The following PTK2 variants were observed in gnomAD, a reference collection of about 807,000 sequenced individuals.
The protein encoded by PTK2 is focal adhesion kinase 1.
In PTK2, 45 loss-of-function variants were observed where a neutral mutation model predicts 150.1. That is an observed-to-expected ratio of 0.30 (90% confidence interval 0.24 to 0.38). The LOEUF is 0.38. PTK2 is among the 10% of genes least tolerant of loss of function. The pLI, the probability that PTK2 is intolerant of heterozygous loss-of-function variation, is 1.00. For missense variants in PTK2, 919 were observed against 1,307.3 expected (o/e 0.70, Z 4.58); for synonymous variants, 432 against 449.2 (o/e 0.96, Z 0.48).
At chr8:140,735,220 C>T in intron 22 of PTK2, 31 bp downstream of exon 25, 1 of 1,596,764 alleles carries the variant, frequency 6.3e-7, no homozygotes, top group Non-Finnish European at 8.6e-7. Context: ...TCTGCCCCCA[C>T]CCCCAGGCCC....
intron 1 of PTK2, among the ~76,000 whole-genome samples, chr8:140,958,182 G>C (rs2100181851): frequency 6.6e-6 from 1 of 152,150 alleles, no homozygotes; most frequent in African/African-American, 2.4e-5. Flanking sequence ...CTGTCACCCA[G>C]GCCAGAGTAC....
intron 5 of PTK2, among the ~76,000 whole-genome samples, chr8:140,862,057 T>C (rs1156644415): frequency 6.6e-6 from 1 of 152,188 alleles, no homozygotes; most frequent in African/African-American, 2.4e-5. Flanking sequence ...CACTTTATCA[T>C]ATAGGAAAGT....
chr8:141,001,092 AC>A (rs2100200088), intron 1 of PTK2, 32 bp downstream of exon 1: 1 of 149,114 alleles, frequency 6.7e-6, no homozygotes, highest in African/African-American at 2.5e-5. Flanking sequence ...CCAGCCCCCG[AC>A]CCGCGCCCCG....
At chr8:140,954,042 A>G (rs568150021) in intron 1 of PTK2, among the ~76,000 whole-genome samples, 7 of 150,488 alleles carry the variant, frequency 4.7e-5, no homozygotes, top group Non-Finnish European at 1.0e-4. Context: ...ATCTCGGCTC[A>G]CTGTAACCTC....
chr8:140,781,314 A>G (rs1304319126), intron 14 of PTK2, among the ~76,000 whole-genome samples: 1 of 152,220 alleles, frequency 6.6e-6, no homozygotes, highest in Non-Finnish European at 1.5e-5. Flanking sequence ...AAAAAGATTG[A>G]GAAGTTTATT....
Position 140,785,689 on chromosome 8 carries a change from A to G in PTK2, c.1177+3785T>C, listed in dbSNP as rs143475864. ...GGGAGCAAACTCTCTCAAATTGCTC[A>G]TGACAGGCAATAGAGCCTAGAGGGT... is the stretch of plus-strand genomic sequence containing the variant. On this transcript the variant is annotated intron_variant, in intron 14 of 31. Transcript: ENST00000522684. Among the ~76,000 whole-genome samples the G allele has an allele frequency of 6.6e-3, 1,004 of 152,304 alleles. 15 individuals are homozygous for G. The highest frequency in any genetic ancestry group is 0.022 in the African/African-American group (924 of 41,562).
chr8:140,731,536 T>C (rs2100049366), intron 22 of PTK2, among the ~76,000 whole-genome samples: 1 of 152,106 alleles, frequency 6.6e-6, no homozygotes, highest in African/African-American at 2.4e-5. Context: ...ACCAAGGTGA[T>C]TTTCCTATGA....
intron 26 of PTK2, among the ~76,000 whole-genome samples, chr8:140,687,293 G>T (rs2100020516): frequency 6.6e-6 from 1 of 152,288 alleles, no homozygotes; most frequent in African/African-American, 2.4e-5. Context: ...CCCGCAGTAT[G>T]GGTTACGGGC....
chr8:140,754,658 G>A (rs1281247317), intron 16 of PTK2, among the ~76,000 whole-genome samples: 2 of 152,188 alleles, frequency 1.3e-5, no homozygotes, highest in African/African-American at 4.8e-5. Flanking sequence ...TAAAGACCTA[G>A]GGTTTCAAAT....
At chr8:140,723,830 A>G (rs1021668299) in intron 22 of PTK2, among the ~76,000 whole-genome samples, 9 of 152,236 alleles carry the variant, frequency 5.9e-5, no homozygotes, top group Admixed American at 5.9e-4. Context: ...AGAATCCTGA[A>G]GCGGGGAAAG....
chr8:140,906,284 T>A (rs762848444), intron 2 of PTK2, among the ~76,000 whole-genome samples: 1 of 152,128 alleles, frequency 6.6e-6, no homozygotes, highest in Non-Finnish European at 1.5e-5. Flanking sequence ...TGTAAAGTAG[T>A]ATAGCCATTA....
intron 2 of PTK2, among the ~76,000 whole-genome samples, chr8:140,906,435 T>C (rs1177326982): frequency 6.6e-6 from 1 of 152,200 alleles, no homozygotes; most frequent in Non-Finnish European, 1.5e-5. Flanking sequence ...AGATATGGAA[T>C]CCACATGGAC....
At chr8:140,887,400 A>C (rs561091334) in intron 3 of PTK2, among the ~76,000 whole-genome samples, 1 of 152,234 alleles carries the variant, frequency 6.6e-6, no homozygotes, top group African/African-American at 2.4e-5. Flanking sequence ...TTTTGCCTAT[A>C]AACTGTGAAA....
rs887474051 is a variant in PTK2, at chr8:140,850,701, G to A, written c.451-4023C>T. On this transcript the variant is annotated intron_variant, in intron 5 of 31. Coordinates refer to ENST00000522684, the Ensembl canonical transcript of PTK2. ...GCCGTGATCGTGTCACTGCACTCCA[G>A]CCTGGGCGACAGAGCGAGACTCCAT... Among the ~76,000 whole-genome samples the A allele has an allele frequency of 5.3e-5, 8 of 152,140 alleles. No homozygotes were observed. In the South Asian group the frequency reaches 1.7e-3, roughly 32 times the overall value.
intron 5 of PTK2, among the ~76,000 whole-genome samples, chr8:140,861,881 T>G (rs2100136344): frequency 6.6e-6 from 1 of 152,182 alleles, no homozygotes; most frequent in Non-Finnish European, 1.5e-5. Context: ...TTTAGACCAC[T>G]CTGACTGGAT....
intron 17 of PTK2, among the ~76,000 whole-genome samples, chr8:140,751,651 A>G (rs2100062754): frequency 6.6e-6 from 1 of 151,770 alleles, no homozygotes; most frequent in Admixed American, 6.6e-5. Flanking sequence ...GCCACTATGC[A>G]CGGCTAATTT....
At chr8:140,780,127 G>A (rs1230783376) in intron 14 of PTK2, among the ~76,000 whole-genome samples, 1 of 152,172 alleles carries the variant, frequency 6.6e-6, no homozygotes, top group Non-Finnish European at 1.5e-5. Context: ...CTGCTCCCGA[G>A]GGTAATGAAG....
At chr8:140,708,646 C>G in intron 23 of PTK2, among the ~76,000 whole-genome samples, 1 of 151,992 alleles carries the variant, frequency 6.6e-6, no homozygotes, top group South Asian at 2.1e-4. Flanking sequence ...TGAATTCCCC[C>G]AAAAACACCC....
At chr8:140,709,781 A>C (rs1030278523) in intron 23 of PTK2, among the ~76,000 whole-genome samples, 6 of 152,168 alleles carry the variant, frequency 3.9e-5, no homozygotes, top group Admixed American at 1.3e-4. Context: ...CAAAATATGG[A>C]ACAGGGAAGT....
Sources: gnomAD v4.1 joint callset for allele counts (sites outside exome capture counted in the v4.1 genomes callset) on GRCh38, gnomAD v4.1.1 for gene constraint, MANE v1.5 for transcripts, NCBI Gene and HGNC (gene_info 2026-07-23, HGNC 2026-07-21) for gene names.